KLF12: variants seen among roughly 807,000 people sequenced by gnomAD.
KLF12 encodes the protein KLF transcription factor 12, also known as Krueppel-like factor 12.
A neutral mutation model predicts 37.8 loss-of-function variants in KLF12; 9 were observed. The observed-to-expected ratio is 0.24, with a 90% CI of 0.14 to 0.42. The LOEUF is 0.42. Among genes scored for constraint, KLF12 ranks in the 10% least tolerant of loss-of-function variants. The pLI is 1.00. For missense variants in KLF12, 411 were observed against 516.0 expected (o/e 0.80, Z 1.97); for synonymous variants, 208 against 202.1 (o/e 1.03, Z -0.25).
chr13:74,037,192 G>C (rs1893270257), intron 1 of KLF12, among the ~76,000 whole-genome samples: 1 of 132,494 alleles, frequency 7.5e-6, no homozygotes, highest in Non-Finnish European at 1.6e-5. Context: ...AACAGAGCAA[G>C]ACTCCGTCTC....
the KLF12 span, among the ~76,000 whole-genome samples, chr13:74,275,776 CT>C: frequency 7.7e-6 from 1 of 130,116 alleles, no homozygotes; most frequent in African/African-American, 3.0e-5. Context: ...TTATGCCTGT[CT>C]TTTTCTTTCT....
chr13:73,921,905 C>A (rs1160224966), intron 3 of KLF12, among the ~76,000 whole-genome samples: 2 of 152,138 alleles, frequency 1.3e-5, no homozygotes, highest in African/African-American at 4.8e-5. Flanking sequence ...ACTATTATCA[C>A]ACCTAGAGAT....
intron 1 of KLF12, among the ~76,000 whole-genome samples, chr13:74,080,887 C>A (rs1007014472): frequency 2.6e-5 from 4 of 152,070 alleles, no homozygotes; most frequent in African/African-American, 9.7e-5. Flanking sequence ...CAAAGGAAGC[C>A]CTTTAAGTCT....
At chr13:73,806,533 T>C (rs1882638033) in intron 5 of KLF12, among the ~76,000 whole-genome samples, 1 of 151,484 alleles carries the variant, frequency 6.6e-6, no homozygotes, top group South Asian at 2.1e-4. Flanking sequence ...CCAGCTGCTT[T>C]AGAGATTTTA....
rs202015024 is a variant in KLF12 at position 73,781,253 on chromosome 13, ATAGTT to A, written c.807-16258_807-16254del. ...AATGTTATTGCACACTTCCTGTAGT[ATAGTT>A]TAAACAACTTTTATATGCACTGGGA... On this transcript the variant is annotated intron_variant, in intron 5 of 7. Transcript: ENST00000377669. Among the ~76,000 whole-genome samples, 278 of 152,376 alleles carry A rather than the reference ATAGTT, an allele frequency of 1.8e-3. 5 individuals are homozygous for A. In the East Asian group the frequency reaches 0.031, roughly 17 times the overall value.
rs75177984 is a variant in KLF12, at chr13:74,057,482, G to A, written c.-31-62429C>T. Reference sequence around the variant, plus strand: ...AAGCAATCGAAACGATGGCTACAATGGTAACTGTTAAGACCAAAGCACTCA... The same window carrying A: ...AAGCAATCGAAACGATGGCTACAATAGTAACTGTTAAGACCAAAGCACTCA... On this transcript the variant is annotated intron_variant, in intron 1 of 7. Coordinates refer to ENST00000377669, the MANE Select transcript of KLF12 (RefSeq NM_007249.5). Among the ~76,000 whole-genome samples the A allele has an allele frequency of 7.8e-4, 118 of 152,186 alleles. 2 individuals carry two copies. In the East Asian group the frequency reaches 0.014, roughly 18 times the overall value.
At chr13:73,779,187 T>G (rs1389367933) in intron 5 of KLF12, among the ~76,000 whole-genome samples, 3 of 152,212 alleles carry the variant, frequency 2.0e-5, no homozygotes, top group African/African-American at 4.8e-5. Flanking sequence ...TTATTCATAA[T>G]AAACCTCCTT....
At chr13:74,170,847 C>T in the KLF12 span, among the ~76,000 whole-genome samples, 1 of 152,190 alleles carries the variant, frequency 6.6e-6, no homozygotes, top group African/African-American at 2.4e-5. Context: ...TCACTGCTGC[C>T]TTTGCCTCCT....
At chr13:74,241,910 C>T in the KLF12 span, among the ~76,000 whole-genome samples, 109 of 152,344 alleles carry the variant, frequency 7.2e-4, 1 homozygote, top group African/African-American at 2.5e-3. Context: ...TCTTCTGCGT[C>T]GCTCACGCTT....
chr13:74,119,216 C>T (rs1236404725), intron 1 of KLF12, among the ~76,000 whole-genome samples: 4 of 151,900 alleles, frequency 2.6e-5, no homozygotes, highest in Admixed American at 6.6e-5. Context: ...GCCTGTAATC[C>T]CAGATACTTG....
chr13:74,022,149 A>T (rs928565905), intron 1 of KLF12, among the ~76,000 whole-genome samples: 1 of 152,200 alleles, frequency 6.6e-6, no homozygotes, highest in African/African-American at 2.4e-5. Flanking sequence ...ATTAGTCACT[A>T]GTACAGCATC....
At chr13:74,217,285 C>T in the KLF12 span, among the ~76,000 whole-genome samples, 2 of 151,236 alleles carry the variant, frequency 1.3e-5, no homozygotes, top group South Asian at 2.1e-4. Context: ...GATTGTGTAC[C>T]TCATTCATTG....
chr13:73,861,040 T>G (rs968904486), intron 3 of KLF12, among the ~76,000 whole-genome samples: 2 of 152,162 alleles, frequency 1.3e-5, no homozygotes, highest in East Asian at 3.8e-4. Flanking sequence ...ACTAGAAAAT[T>G]TATAATTAGC....
intron 3 of KLF12, among the ~76,000 whole-genome samples, chr13:73,889,926 C>A (rs1017378724): frequency 5.9e-5 from 9 of 151,960 alleles, no homozygotes; most frequent in Non-Finnish European, 1.3e-4. Context: ...AAAAAAAGAA[C>A]CTTAAAGCTG....
At chr13:73,778,929 G>A (rs1008326362) in intron 5 of KLF12, among the ~76,000 whole-genome samples, 2 of 152,042 alleles carry the variant, frequency 1.3e-5, no homozygotes, top group Admixed American at 1.3e-4. Flanking sequence ...CAGAATGTGT[G>A]GCAAATATTA....
chr13:74,288,907 C>T, the KLF12 span, among the ~76,000 whole-genome samples: 3 of 152,316 alleles, frequency 2.0e-5, no homozygotes, highest in African/African-American at 7.2e-5. Context: ...AGCTTCCTGG[C>T]ACTCCTCTGC....
Position 74,011,034 on chromosome 13 carries a change from C to A in KLF12, c.-31-15981G>T, listed in dbSNP as rs976952766. Among the ~76,000 whole-genome samples, 8 of 152,188 alleles carry A rather than the reference C, an allele frequency of 5.3e-5. No individual in the cohort carries two copies. In the East Asian group the frequency reaches 1.5e-3, roughly 29 times the overall value. On this transcript the variant is annotated intron_variant, in intron 1 of 7. Coordinates refer to ENST00000377669, the MANE Select transcript of KLF12 (RefSeq NM_007249.5). ...AGACTTTGATTTTCAGTAACTTCTACTCTCTCCTTTTTATTGCCTCTTTAA... is the reference window on the plus strand; with the variant it reads ...AGACTTTGATTTTCAGTAACTTCTAATCTCTCCTTTTTATTGCCTCTTTAA...
chr13:74,080,849 T>A (rs1383034950), intron 1 of KLF12, among the ~76,000 whole-genome samples: 1 of 152,210 alleles, frequency 6.6e-6, no homozygotes, highest in Non-Finnish European at 1.5e-5. Flanking sequence ...GGTGTGGATT[T>A]TAATACTGGT....
At chr13:74,184,292 A>C in the KLF12 span, among the ~76,000 whole-genome samples, 1 of 152,234 alleles carries the variant, frequency 6.6e-6, no homozygotes, top group Non-Finnish European at 1.5e-5. Flanking sequence ...ATCATTTCAG[A>C]AGATAATTAA....
Sources: gnomAD v4.1 joint callset for allele counts (sites outside exome capture counted in the v4.1 genomes callset) on GRCh38, gnomAD v4.1.1 for gene constraint, MANE v1.5 for transcripts, NCBI Gene and HGNC (gene_info 2026-07-23, HGNC 2026-07-21) for gene names.